The following DCLK2 variants were observed in gnomAD, a reference collection of about 807,000 sequenced individuals.
The protein encoded by DCLK2 is doublecortin like kinase 2, also known as serine/threonine-protein kinase DCLK2.
A neutral mutation model predicts 78.4 loss-of-function variants in DCLK2; 31 were observed. That is an observed-to-expected ratio of 0.40 (90% confidence interval 0.30 to 0.53). DCLK2 has a LOEUF of 0.53. Among genes scored for constraint, DCLK2 ranks in the 20% least tolerant of loss-of-function variants. The pLI is 0.61. For missense variants in DCLK2, 872 were observed against 973.7 expected (o/e 0.90, Z 1.39); for synonymous variants, 407 against 374.9 (o/e 1.09, Z -0.99).
chr4:150,230,064 G>C (rs1432724705), intron 8 of DCLK2, among the ~76,000 whole-genome samples: 1 of 150,804 alleles, frequency 6.6e-6, no homozygotes, highest in Non-Finnish European at 1.5e-5. Flanking sequence ...ATTTTACAGG[G>C]ACAGCAAGAG....
chr4:150,238,055 C>T lies in DCLK2; in HGVS notation c.1567-1687C>T, dbSNP rs143866843. Reference sequence around the variant, plus strand: ...TAACTTTCTAAAGTTATATTTATCCCGTAGTTTTGCTTATATATGAAATTA... The same window carrying T: ...TAACTTTCTAAAGTTATATTTATCCTGTAGTTTTGCTTATATATGAAATTA... On this transcript the variant is annotated intron_variant, in intron 10 of 15. Transcript: ENST00000296550. Among the ~76,000 whole-genome samples the T allele has an allele frequency of 9.9e-5, 15 of 152,142 alleles. No homozygotes were observed. In the East Asian group the frequency reaches 2.5e-3, roughly 25 times the overall value.
At chr4:150,160,957 T>C (rs1401405724) in intron 2 of DCLK2, among the ~76,000 whole-genome samples, 1 of 152,196 alleles carries the variant, frequency 6.6e-6, no homozygotes, top group Non-Finnish European at 1.5e-5. Context: ...TTTAATGTTT[T>C]TTCAATTAAT....
intron 5 of DCLK2, among the ~76,000 whole-genome samples, chr4:150,207,890 C>A (rs112346287): frequency 2.6e-5 from 4 of 152,134 alleles, no homozygotes; most frequent in African/African-American, 9.7e-5. Context: ...ATAGAGACCA[C>A]TGTAGTGGAG....
chr4:150,150,354 A>G (rs186232566), intron 2 of DCLK2, among the ~76,000 whole-genome samples: 1 of 152,146 alleles, frequency 6.6e-6, no homozygotes, highest in African/African-American at 2.4e-5. Context: ...TCTCCTGTGA[A>G]GTGATGGTGA....
At chr4:150,177,669 GGA>G (rs1382306702) in intron 2 of DCLK2, among the ~76,000 whole-genome samples, 1 of 152,158 alleles carries the variant, frequency 6.6e-6, no homozygotes, top group Admixed American at 6.5e-5. Context: ...GAGCCAAAAA[GGA>G]GAGTGTAAGA....
intron 2 of DCLK2, among the ~76,000 whole-genome samples, chr4:150,106,977 C>G (rs1731304609): frequency 6.6e-6 from 1 of 152,126 alleles, no homozygotes; most frequent in Non-Finnish European, 1.5e-5. Context: ...CAGTGATTCT[C>G]AACCAGGGAC....
chr4:150,173,682 T>A (rs1736722247), intron 2 of DCLK2, among the ~76,000 whole-genome samples: 1 of 152,172 alleles, frequency 6.6e-6, no homozygotes, highest in Non-Finnish European at 1.5e-5. Flanking sequence ...CCTTGCATTG[T>A]CCTCTCAGGC....
intron 2 of DCLK2, among the ~76,000 whole-genome samples, chr4:150,109,163 T>C (rs181556208): frequency 7.5e-4 from 114 of 152,328 alleles, no homozygotes; most frequent in Non-Finnish European, 9.1e-4. Flanking sequence ...CACCTAACCA[T>C]ATTTAGATAA....
chr4:150,182,967 T>A (rs1737639772), intron 2 of DCLK2, among the ~76,000 whole-genome samples: 1 of 152,116 alleles, frequency 6.6e-6, no homozygotes, highest in African/African-American at 2.4e-5. Context: ...GTTCTCTCTC[T>A]CTCTCTTTCA....
At chr4:150,253,401 A>G (rs933920926) in intron 15 of DCLK2, 1 of 1,284,934 alleles carries the variant, frequency 7.8e-7, no homozygotes, top group African/African-American at 1.5e-5. Flanking sequence ...TGAGAAAATG[A>G]TGGGCTAGAA....
intron 2 of DCLK2, among the ~76,000 whole-genome samples, chr4:150,131,975 C>A (rs2150198557): frequency 6.6e-6 from 1 of 152,228 alleles, no homozygotes; most frequent in South Asian, 2.1e-4. Flanking sequence ...AAGACAGCAA[C>A]AGTATGTTAA....
intron 1 of DCLK2, among the ~76,000 whole-genome samples, chr4:150,100,232 CATT>C (rs1023379383): frequency 6.6e-5 from 10 of 152,108 alleles, no homozygotes; most frequent in Non-Finnish European, 1.5e-4. Context: ...TTAATGGAAA[CATT>C]ATGAAAGGAA....
At chr4:150,253,711 AG>A (rs1054870638) in intron 15 of DCLK2, 40 of 985,290 alleles carry the variant, frequency 4.1e-5, no homozygotes, top group Non-Finnish European at 4.5e-5. Context: ...CCAGCCAAGC[AG>A]GCCCCTGGAA....
At chr4:150,252,441 G>A (rs1412344661) in intron 15 of DCLK2, among the ~76,000 whole-genome samples, 2 of 152,200 alleles carry the variant, frequency 1.3e-5, no homozygotes, top group South Asian at 2.1e-4. Flanking sequence ...AGACTGTGAA[G>A]GGAGTCATTG....
chr4:150,079,375 G>A lies in DCLK2; in HGVS notation c.348G>A (p.Leu116=), dbSNP rs1358588711. The part of the protein sequence containing the change: ...LTRSLSDNVN[L]PQGVRTIYTI... The stretch of plus-strand genomic sequence containing the variant: ...GCTCCCTGTCGGACAACGTGAACCT[G>A]CCCCAGGGTGTCCGCACTATCTACA... Residue 116 remains leucine, a synonymous_variant, in exon 1 of 16, where the codon CTG becomes CTA. Transcript: ENST00000296550. 3.1e-6 allele frequency: 5 copies of A among 1,589,074 alleles called. No individual in the cohort carries two copies. The highest frequency in any genetic ancestry group is 4.3e-6 in the Non-Finnish European group (5 of 1,167,846).
chr4:150,142,710 C>T (rs1734194334), intron 2 of DCLK2, among the ~76,000 whole-genome samples: 1 of 151,894 alleles, frequency 6.6e-6, no homozygotes, highest in Non-Finnish European at 1.5e-5. Flanking sequence ...TTAACAAACA[C>T]GAGAATCCCT....
At chr4:150,184,765 C>G (rs1737793183) in intron 2 of DCLK2, among the ~76,000 whole-genome samples, 1 of 152,024 alleles carries the variant, frequency 6.6e-6, no homozygotes, top group South Asian at 2.1e-4. Context: ...CCATGCCCGG[C>G]TAATTTTTTG....
intron 2 of DCLK2, among the ~76,000 whole-genome samples, chr4:150,170,157 G>A (rs1004809587): frequency 3.9e-5 from 6 of 152,088 alleles, no homozygotes; most frequent in Non-Finnish European, 5.9e-5. Flanking sequence ...GGGTTCAAGC[G>A]AGTCTCCTGC....
chr4:150,208,703 T>C (rs1740052848), intron 5 of DCLK2, among the ~76,000 whole-genome samples: 1 of 152,046 alleles, frequency 6.6e-6, no homozygotes, highest in Non-Finnish European at 1.5e-5. Flanking sequence ...GTGACAACTT[T>C]TCCTGAGAGG....
Sources: gnomAD v4.1 joint callset for allele counts (sites outside exome capture counted in the v4.1 genomes callset) on GRCh38, gnomAD v4.1.1 for gene constraint, MANE v1.5 for transcripts, NCBI Gene and HGNC (gene_info 2026-07-23, HGNC 2026-07-21) for gene names.